ADCY10: variants seen among roughly 807,000 people sequenced by gnomAD.
The protein encoded by ADCY10 is adenylate cyclase 10, also known as adenylate cyclase type 10.
Under a neutral mutation model 183.3 loss-of-function variants are expected in ADCY10, and 156 were observed. The observed-to-expected ratio is 0.85, with a 90% CI of 0.75 to 0.97. The LOEUF is 0.97. Ranked by LOEUF, ADCY10 falls within the 50% of genes least tolerant of loss-of-function variation. The pLI is 0.00. For synonymous variants in ADCY10, 645 were observed against 670.0 expected (o/e 0.96, Z 0.58); for missense variants, 1,745 against 1,934.3 (o/e 0.90, Z 1.84).
In ADCY10 at chr1:167,861,062, T is replaced by C; in HGVS notation, c.1618A>G (p.Ile540Val). The change falls in exon 15 of 33, where the codon ATT becomes GTT. Residue 540 changes from isoleucine (I) to valine (V), a missense_variant and splice_region_variant. Ile to Val is a conservative substitution (Grantham distance 29, BLOSUM62 3). Coordinates refer to ENST00000367851, the MANE Select transcript of ADCY10 (RefSeq NM_018417.6). ...ATCTTATTCAATGAAATGGCAATAA[T>C]CCTGTTTGTGAGAAAATCAAGAAAC... ...EYLAQGKNHR[I>V]IAISLNKISF... 1 of 1,613,768 alleles carries C rather than the reference T, an allele frequency of 6.2e-7. No individual in the cohort carries two copies. Among genetic ancestry groups the C allele is most frequent in the South Asian group, 1.1e-5 (1 of 91,064 alleles).
chr1:167,867,260 C>T (rs958653468), intron 14 of ADCY10, among the ~76,000 whole-genome samples: 5 of 152,204 alleles, frequency 3.3e-5, no homozygotes, highest in African/African-American at 1.2e-4. Flanking sequence ...TCACCAACCT[C>T]TGCAAAGTGA....
rs1571286985 is a variant in ADCY10 at position 167,846,149 on chromosome 1, C to T, written c.2552G>A (p.Cys851Tyr). The change falls in exon 20 of 33, where the codon TGT becomes TAT. Residue 851 changes from cysteine (C) to tyrosine (Y), a missense_variant. Cys to Tyr is a radical substitution (Grantham distance 194). Transcript: ENST00000367851. ...TTELLFEILP[C>Y]WNMKMMIKTL... ...CTTGATCATCATCTTCATATTCCAA[C>T]AGGGGAGAATCTCAAACAACAACTC... is the stretch of plus-strand genomic sequence containing the variant. 1 of 1,614,186 alleles carries T rather than the reference C, an allele frequency of 6.2e-7. No homozygotes were observed. The highest frequency in any genetic ancestry group is 8.5e-7 in the Non-Finnish European group (1 of 1,180,042).
intron 30 of ADCY10, chr1:167,818,482 T>C (rs964086141): frequency 8.6e-5 from 56 of 654,322 alleles, no homozygotes; most frequent in Non-Finnish European, 1.4e-4. Flanking sequence ...TTGAGATGAA[T>C]AGAATCCTTG....
At chr1:167,846,413 A>G in intron 19 of ADCY10, 150 bp from the exon 20 acceptor site, 1 of 979,746 alleles carries the variant, frequency 1.0e-6, no homozygotes, top group Non-Finnish European at 1.6e-6. Context: ...GTATTTGTTT[A>G]GTACCTAATT....
Position 167,833,032 on chromosome 1 carries a change from T to C in ADCY10, c.3548A>G (p.His1183Arg), listed in dbSNP as rs2101902167. Residue 1183 changes from histidine (H) to arginine (R), a missense_variant, in exon 25 of 33, where the codon CAC becomes CGC. Transcript: ENST00000367851. ...GGCCTGCCGATTCACATAATGAAAG[T>C]GTCTGTTTTTCTCGACATGGATATG... ...FLHIHVEKNRHFHYVNRQAQE... is the reference protein window; with the variant it reads ...FLHIHVEKNRRFHYVNRQAQE... 6.2e-7 allele frequency: 1 copy of C among 1,614,150 alleles called. No individual in the cohort carries two copies. The highest frequency in any genetic ancestry group is 8.5e-7 in the Non-Finnish European group (1 of 1,180,026).
Position 167,878,459 on chromosome 1 carries a change from G to A in ADCY10, c.1393C>T (p.Arg465Cys), listed in dbSNP as rs141096514. 2.7e-5 allele frequency: 43 copies of A among 1,613,614 alleles called. No individual in the cohort carries two copies. Among genetic ancestry groups the A allele is most frequent in the Admixed American group, 8.3e-5 (5 of 59,982 alleles). ...CTCCACACTCACACTTTCTCAGTAC[G>A]GCCCCAATACTGATACAATGGTCCA... ...DSGPLYQYWG[R>C]TEKVMFGMAC... is the part of the protein sequence containing the mutation. Residue 465 changes from arginine to cysteine, a missense_variant, in exon 12 of 33, where the codon CGT becomes TGT. By Grantham distance (180) the Arg-to-Cys change is radical (BLOSUM62 -3). Coordinates refer to ENST00000367851, the MANE Select transcript of ADCY10 (RefSeq NM_018417.6).
At chr1:167,811,349 G>A (rs889456171) in intron 31 of ADCY10, among the ~76,000 whole-genome samples, 3 of 152,166 alleles carry the variant, frequency 2.0e-5, no homozygotes, top group African/African-American at 7.2e-5. Flanking sequence ...AGCACTTTGG[G>A]AGGCCGAGGT....
At chr1:167,866,772 G>C (rs1176630551) in intron 14 of ADCY10, among the ~76,000 whole-genome samples, 2 of 147,564 alleles carry the variant, frequency 1.4e-5, no homozygotes, top group African/African-American at 2.5e-5. Context: ...AAAAAGAATG[G>C]TTATCTTCAA....
chr1:167,882,485 A>C (rs1307714507), intron 9 of ADCY10, among the ~76,000 whole-genome samples: 1 of 71,550 alleles, frequency 1.4e-5, no homozygotes, highest in East Asian at 3.1e-4. Context: ...ATTCCGTCTC[A>C]AAAAAAAAAA....
At chr1:167,869,233 T>C (rs970641456) in intron 14 of ADCY10, among the ~76,000 whole-genome samples, 8 of 152,184 alleles carry the variant, frequency 5.3e-5, no homozygotes, top group African/African-American at 1.9e-4. Flanking sequence ...AGAAACCTGC[T>C]TACTGCTCCC....
intron 12 of ADCY10, among the ~76,000 whole-genome samples, chr1:167,877,571 A>C (rs771890162): frequency 6.6e-6 from 1 of 152,170 alleles, no homozygotes; most frequent in Non-Finnish European, 1.5e-5. Context: ...CTGGGGATAT[A>C]AGAATAAAGA....
At chr1:167,862,863 C>A (rs543188440) in intron 14 of ADCY10, among the ~76,000 whole-genome samples, 55 of 152,302 alleles carry the variant, frequency 3.6e-4, no homozygotes, top group South Asian at 2.5e-3. Context: ...GAGTCACCAT[C>A]ATTATTGTCC....
chr1:167,899,893 A>G (rs977988560), intron 5 of ADCY10, among the ~76,000 whole-genome samples: 1 of 152,204 alleles, frequency 6.6e-6, no homozygotes, highest in Non-Finnish European at 1.5e-5. Context: ...CCAGTCCCCA[A>G]AGTTATTTTT....
chr1:167,850,897 A>C (rs998949727), intron 18 of ADCY10, among the ~76,000 whole-genome samples: 1 of 152,132 alleles, frequency 6.6e-6, no homozygotes. Flanking sequence ...TCCATGCCTC[A>C]TGAAGCTCAC....
intron 9 of ADCY10, among the ~76,000 whole-genome samples, chr1:167,882,502 AAAG>A (rs1267764597): frequency 6.6e-6 from 1 of 151,726 alleles, no homozygotes; most frequent in East Asian, 1.9e-4. Flanking sequence ...AAAAAAAAAA[AAAG>A]AACAGAGCGA....
At chr1:167,820,009 TTTC>T (rs1662787571) in intron 30 of ADCY10, 2 of 1,548,696 alleles carry the variant, frequency 1.3e-6, no homozygotes, top group South Asian at 2.2e-5. Flanking sequence ...TCCTTGGGAC[TTTC>T]TTCTTTTTTC....
At chr1:167,883,684 A>G in intron 8 of ADCY10, 56 bp from the exon 9 acceptor site, 1 of 1,550,262 alleles carries the variant, frequency 6.5e-7, no homozygotes, top group South Asian at 1.1e-5. Flanking sequence ...TCCCTCCCCC[A>G]ACACCGCCCC....
Position 167,856,439 on chromosome 1 carries a change from T to G in ADCY10, c.1897A>C (p.Ile633Leu), listed in dbSNP as rs1665903568. Reference protein sequence around the residue: ...EILFMKILKLIVKEERIIFII... With the variant: ...EILFMKILKLLVKEERIIFII... ...AAAATAATCCTTTCCTCTTTCACTA[T>G]CTGGACAAGATGCAGAAAGAGAAAG... Residue 633 changes from isoleucine (I) to leucine (L), a missense_variant and splice_region_variant, in exon 17 of 33, where the codon ATA (isoleucine) becomes CTA (leucine). By Grantham distance (5) the Ile-to-Leu change is conservative. Coordinates refer to ENST00000367851, the MANE Select transcript of ADCY10 (RefSeq NM_018417.6). The G allele has an allele frequency of 1.9e-6, 3 of 1,614,022 alleles. No homozygotes were observed. Among genetic ancestry groups the G allele is most frequent in the Non-Finnish European group, 2.5e-6 (3 of 1,180,042 alleles).
intron 11 of ADCY10, among the ~76,000 whole-genome samples, 175 bp downstream of exon 11, chr1:167,879,940 A>C (rs1210204520): frequency 6.6e-6 from 1 of 152,206 alleles, no homozygotes; most frequent in African/African-American, 2.4e-5. Flanking sequence ...ATAGCCCCAG[A>C]AATGCACACT....
Sources: gnomAD v4.1 joint callset for allele counts (sites outside exome capture counted in the v4.1 genomes callset) on GRCh38, gnomAD v4.1.1 for gene constraint, MANE v1.5 for transcripts, NCBI Gene and HGNC (gene_info 2026-07-23, HGNC 2026-07-21) for gene names.